Variants in PARD3 observed in about 807,000 individuals in gnomAD.
PARD3 encodes partitioning defective 3 homolog.
A neutral mutation model predicts 155.4 loss-of-function variants in PARD3; 75 were observed. The ratio of observed to expected loss-of-function variants is 0.48; its 90% CI spans 0.40 to 0.58. The LOEUF (loss-of-function observed/expected upper bound fraction) is 0.58, where lower values mean the gene tolerates loss of function less well. Among genes scored for constraint, PARD3 ranks in the 20% least tolerant of loss-of-function variants. PARD3 has a pLI of 0.00. For synonymous variants in PARD3, 576 were observed against 610.5 expected (o/e 0.94, Z 0.83); for missense variants, 1,642 against 1,721.7 (o/e 0.95, Z 0.82).
chr10:34,509,791 G>A (rs911664899), intron 3 of PARD3, among the ~76,000 whole-genome samples: 6 of 149,052 alleles, frequency 4.0e-5, no homozygotes, highest in African/African-American at 1.5e-4. Flanking sequence ...TCGAAAAAAT[G>A]ACAAAACAAC....
chr10:34,365,820 T>G (rs910420555), intron 12 of PARD3, among the ~76,000 whole-genome samples: 14 of 152,148 alleles, frequency 9.2e-5, no homozygotes, highest in Admixed American at 9.2e-4. Context: ...ACTCCTGACC[T>G]CAGGTGACCC....
chr10:34,555,445 C>T (rs1354231566), intron 2 of PARD3, among the ~76,000 whole-genome samples: 2 of 152,070 alleles, frequency 1.3e-5, no homozygotes, highest in Non-Finnish European at 1.5e-5. Flanking sequence ...ATCTTTTATA[C>T]TGCCTGCATG....
At chr10:34,569,394 ATAACACTGTG>A (rs1273973849) in intron 2 of PARD3, among the ~76,000 whole-genome samples, 2 of 152,298 alleles carry the variant, frequency 1.3e-5, no homozygotes, top group Non-Finnish European at 2.9e-5. Context: ...ATGCTTAAAT[ATAACACTGTG>A]TTACACGTGA....
intron 21 of PARD3, among the ~76,000 whole-genome samples, chr10:34,282,138 G>A (rs1014090033): frequency 6.8e-5 from 9 of 131,852 alleles, no homozygotes; most frequent in African/African-American, 2.3e-4. Flanking sequence ...AGTTCAGTCC[G>A]TTTCTTGCAT....
chr10:34,414,741 T>C (rs190510864), intron 5 of PARD3, among the ~76,000 whole-genome samples: 8 of 152,156 alleles, frequency 5.3e-5, no homozygotes, highest in South Asian at 2.1e-4. Flanking sequence ...CCCAAGGTGA[T>C]AGACATGCCC....
chr10:34,193,046 C>T (rs966198082), intron 22 of PARD3, among the ~76,000 whole-genome samples: 15 of 152,198 alleles, frequency 9.9e-5, no homozygotes, highest in African/African-American at 3.4e-4. Flanking sequence ...GGAAGTACTG[C>T]TAAGGACAAG....
chr10:34,479,310 T>C (rs992347215), intron 3 of PARD3, among the ~76,000 whole-genome samples: 2 of 151,772 alleles, frequency 1.3e-5, no homozygotes, highest in Admixed American at 6.6e-5. Context: ...TACAGGCGCC[T>C]GCCACCACGC....
intron 18 of PARD3, among the ~76,000 whole-genome samples, chr10:34,332,075 T>A (rs142663955): frequency 0.011 from 1,619 of 152,282 alleles, 13 homozygotes; most frequent in Non-Finnish European, 0.012. Context: ...GGGAACAATA[T>A]GTTTGAAAAA....
chr10:34,177,682 T>C (rs1437678660), intron 22 of PARD3, among the ~76,000 whole-genome samples: 2 of 152,152 alleles, frequency 1.3e-5, no homozygotes, highest in Admixed American at 6.5e-5. Flanking sequence ...CTCGTTTTAG[T>C]AGAATGCATG....
At chr10:34,142,271 C>T (rs1225865467) in intron 22 of PARD3, among the ~76,000 whole-genome samples, 2 of 151,988 alleles carry the variant, frequency 1.3e-5, no homozygotes, top group South Asian at 2.1e-4. Flanking sequence ...GGCTGGGTGC[C>T]GGGGCTTATC....
chr10:34,368,521 A>T (rs57103556), intron 12 of PARD3, among the ~76,000 whole-genome samples: 32 of 152,076 alleles, frequency 2.1e-4, no homozygotes, highest in African/African-American at 7.7e-4. Flanking sequence ...AAATACAAAA[A>T]ATTAGCCAGG....
intron 22 of PARD3, among the ~76,000 whole-genome samples, chr10:34,225,494 C>A (rs994119632): frequency 2.0e-5 from 3 of 151,936 alleles, no homozygotes; most frequent in African/African-American, 4.8e-5. Context: ...TACAGGCACA[C>A]GCCACCACAC....
At chr10:34,414,919 A>T (rs1025712797) in intron 5 of PARD3, among the ~76,000 whole-genome samples, 3 of 152,160 alleles carry the variant, frequency 2.0e-5, no homozygotes, top group East Asian at 3.9e-4. Context: ...TAACTCTTCC[A>T]GGGACTCATG....
intron 9 of PARD3, among the ~76,000 whole-genome samples, chr10:34,382,111 G>A (rs1248403164): frequency 6.6e-6 from 1 of 152,008 alleles, no homozygotes; most frequent in Non-Finnish European, 1.5e-5. Context: ...TACTGAGATT[G>A]ACGTGCACTA....
intron 2 of PARD3, among the ~76,000 whole-genome samples, chr10:34,624,653 C>A (rs1476090556): frequency 6.6e-6 from 1 of 152,258 alleles, no homozygotes; most frequent in African/African-American, 2.4e-5. Context: ...GGCCTCCCTA[C>A]AGACAGGAGG....
rs760685271 is a variant in PARD3 at position 34,233,444 on chromosome 10, C to A, written c.3419+36213G>T. On this transcript the variant is annotated intron_variant, in intron 22 of 24. Transcript: ENST00000374788. ...CTCCCTCGATGATATCGTCCATTTC[C>A]ATGGTTTTAAATACCATCTGCATGT... Among the ~76,000 whole-genome samples the A allele has an allele frequency of 6.8e-4, 103 of 152,118 alleles. 1 individual carries two copies. The highest frequency in any genetic ancestry group is 2.6e-4 in the Non-Finnish European group (18 of 68,016).
At chr10:34,447,854 G>A (rs945179471) in intron 5 of PARD3, among the ~76,000 whole-genome samples, 31 of 151,512 alleles carry the variant, frequency 2.0e-4, no homozygotes, top group Non-Finnish European at 3.5e-4. Context: ...ACAAGGATGC[G>A]AAGAGAAGGA....
chr10:34,747,273 G>T (rs188659399), intron 1 of PARD3, among the ~76,000 whole-genome samples: 2 of 152,150 alleles, frequency 1.3e-5, no homozygotes, highest in African/African-American at 4.8e-5. Flanking sequence ...GGGAGCTGGG[G>T]CGGCAGGGGC....
chr10:34,336,147 A>T, intron 18 of PARD3, 52 bp downstream of exon 18: 1 of 1,333,406 alleles, frequency 7.5e-7, no homozygotes. Context: ...TAATTGTGAT[A>T]AGCTATGTGG....
Sources: allele counts gnomAD v4.1 joint callset (sites outside exome capture counted in the v4.1 genomes callset), GRCh38; gene constraint gnomAD v4.1.1; transcripts MANE v1.5; gene names NCBI Gene and HGNC (gene_info 2026-07-23, HGNC 2026-07-21).